The following ARB2A variants were observed in gnomAD, a reference collection of about 807,000 sequenced individuals.
ARB2A encodes cotranscriptional regulator ARB2A.
the ARB2A span, among the ~76,000 whole-genome samples, chr5:94,077,561 T>C: frequency 2.6e-5 from 4 of 152,160 alleles, no homozygotes; most frequent in Non-Finnish European, 5.9e-5. Context: ...ACATTATAAA[T>C]TCTCAATTTA....
At chr5:93,764,987 T>G in the ARB2A span, among the ~76,000 whole-genome samples, 1 of 152,160 alleles carries the variant, frequency 6.6e-6, no homozygotes, top group African/African-American at 2.4e-5. Flanking sequence ...TTTGACAAAA[T>G]TCAACAACCC....
At chr5:93,772,723 A>G in the ARB2A span, among the ~76,000 whole-genome samples, 19 of 152,202 alleles carry the variant, frequency 1.2e-4, no homozygotes, top group African/African-American at 4.6e-4. Flanking sequence ...GGTCACTCAC[A>G]TGGCTGTTGG....
chr5:93,858,903 G>T, the ARB2A span, among the ~76,000 whole-genome samples: 1 of 152,190 alleles, frequency 6.6e-6, no homozygotes, highest in African/African-American at 2.4e-5. Context: ...AGACTTGTTG[G>T]TAGTGGCAGT....
At chr5:93,872,604 A>C in the ARB2A span, among the ~76,000 whole-genome samples, 3 of 152,176 alleles carry the variant, frequency 2.0e-5, no homozygotes, top group African/African-American at 4.8e-5. Context: ...AATCCAAAGA[A>C]GGCTGGGTAC....
chr5:93,871,772 C>A, the ARB2A span, among the ~76,000 whole-genome samples: 1 of 151,948 alleles, frequency 6.6e-6, no homozygotes, highest in African/African-American at 2.4e-5. Context: ...AAAATGTTCT[C>A]ATTTTTAATT....
the ARB2A span, among the ~76,000 whole-genome samples, chr5:93,684,105 A>T: frequency 6.6e-6 from 1 of 152,272 alleles, no homozygotes; most frequent in African/African-American, 2.4e-5. Context: ...TTTCTCTGTA[A>T]CTCAGGGCCT....
chr5:93,909,435 GA>G, the ARB2A span, among the ~76,000 whole-genome samples: 1 of 148,024 alleles, frequency 6.8e-6, no homozygotes, highest in Admixed American at 6.8e-5. Context: ...CTTGAAAAAT[GA>G]AAAAAAAATG....
At chr5:93,826,571 A>C in the ARB2A span, among the ~76,000 whole-genome samples, 1 of 152,096 alleles carries the variant, frequency 6.6e-6, no homozygotes, top group South Asian at 2.1e-4. Context: ...CTGAGAGTCA[A>C]CTTTTTTCCT....
the ARB2A span, among the ~76,000 whole-genome samples, chr5:93,959,798 T>C: frequency 1.3e-5 from 2 of 152,186 alleles, no homozygotes; most frequent in South Asian, 4.1e-4. Flanking sequence ...GATGTATGAT[T>C]TACATTTGAA....
chr5:94,105,044 A>G, the ARB2A span, among the ~76,000 whole-genome samples: 3 of 152,100 alleles, frequency 2.0e-5, no homozygotes, highest in African/African-American at 7.2e-5. Context: ...ATCATACTAA[A>G]TAGGCAAAAG....
chr5:94,063,193 C>T, the ARB2A span, among the ~76,000 whole-genome samples: 1 of 151,934 alleles, frequency 6.6e-6, no homozygotes, highest in Non-Finnish European at 1.5e-5. Flanking sequence ...TGGCCTGGCA[C>T]ACCCCCTAGC....
At chr5:93,856,192 C>T in the ARB2A span, among the ~76,000 whole-genome samples, 25 of 152,244 alleles carry the variant, frequency 1.6e-4, no homozygotes, top group African/African-American at 4.6e-4. Flanking sequence ...GTGGGTAACC[C>T]GACCTTTCTC....
At chr5:94,044,904 G>A in the ARB2A span, among the ~76,000 whole-genome samples, 11 of 152,026 alleles carry the variant, frequency 7.2e-5, no homozygotes, top group South Asian at 1.7e-3. Flanking sequence ...GATCACCTGA[G>A]GTCACGAGTT....
chr5:93,906,198 C>G, the ARB2A span, among the ~76,000 whole-genome samples: 1 of 151,474 alleles, frequency 6.6e-6, no homozygotes, highest in Admixed American at 6.6e-5. Context: ...AAAATCATAA[C>G]TAAAATGAAG....
the ARB2A span, among the ~76,000 whole-genome samples, chr5:93,621,312 C>T: frequency 1.3e-5 from 2 of 151,768 alleles, no homozygotes; most frequent in Non-Finnish European, 2.9e-5. Context: ...CGCCCCCTCG[C>T]GGGCGCGGGC....
chr5:94,089,778 G>T, the ARB2A span, among the ~76,000 whole-genome samples: 1 of 152,082 alleles, frequency 6.6e-6, no homozygotes, highest in Non-Finnish European at 1.5e-5. Context: ...AAAGGGAATA[G>T]AAAGGAGCTC....
the ARB2A span, among the ~76,000 whole-genome samples, chr5:94,064,452 A>G: frequency 6.6e-6 from 1 of 152,226 alleles, no homozygotes; most frequent in African/African-American, 2.4e-5. Context: ...AAAACTTTCA[A>G]CGTCTAGAAA....
chr5:93,664,282 T>A, the ARB2A span, among the ~76,000 whole-genome samples: 7 of 152,108 alleles, frequency 4.6e-5, no homozygotes, highest in Non-Finnish European at 1.0e-4. Context: ...GTTCTCATTA[T>A]GTTGGTGAGG....
chr5:93,963,471 A>C, the ARB2A span, among the ~76,000 whole-genome samples: 2 of 152,030 alleles, frequency 1.3e-5, no homozygotes, highest in South Asian at 4.1e-4. Flanking sequence ...TGAATGACTA[A>C]TAATGTGATC....
Sources: gnomAD v4.1 joint callset for allele counts (sites outside exome capture counted in the v4.1 genomes callset) on GRCh38, gnomAD v4.1.1 for gene constraint, MANE v1.5 for transcripts, NCBI Gene and HGNC (gene_info 2026-07-23, HGNC 2026-07-21) for gene names.